The following CLSTN2 variants were observed in gnomAD, a reference collection of about 807,000 sequenced individuals.
CLSTN2 encodes calsyntenin 2, also known as calsyntenin-2.
In CLSTN2, 48 loss-of-function variants were observed where a neutral mutation model predicts 101.2. That is an observed-to-expected ratio of 0.47 (90% CI 0.38 to 0.60). The LOEUF is 0.60. CLSTN2 is among the 20% of genes least tolerant of loss of function. The pLI is 0.00. For synonymous variants in CLSTN2, 481 were observed against 463.6 expected, an observed-to-expected ratio of 1.04 and a Z score of -0.48; for missense variants, 1,160 against 1,238.2, an observed-to-expected ratio of 0.94 and a Z score of 0.95.
At chr3:139,943,886 C>A (rs1162707225) in intron 1 of CLSTN2, among the ~76,000 whole-genome samples, 1 of 152,194 alleles carries the variant, frequency 6.6e-6, no homozygotes, top group Non-Finnish European at 1.5e-5. Flanking sequence ...ACAACCCAAA[C>A]CTCCTTCTTA....
At chr3:140,266,131 C>T (rs4362682) in intron 2 of CLSTN2, among the ~76,000 whole-genome samples, 123,498 of 152,062 alleles carry the variant, frequency 0.81, 53,721 homozygotes, top group East Asian at 0.96. Flanking sequence ...TATCCTGTGT[C>T]TGATCTCTCT....
At chr3:140,560,712 G>A (rs1181821697) in intron 12 of CLSTN2, among the ~76,000 whole-genome samples, 2 of 152,136 alleles carry the variant, frequency 1.3e-5, no homozygotes, top group African/African-American at 4.8e-5. Context: ...AGAGAACCAT[G>A]AGAAAATGGC....
At chr3:139,986,611 G>A (rs772688961) in intron 1 of CLSTN2, among the ~76,000 whole-genome samples, 16 of 152,198 alleles carry the variant, frequency 1.1e-4, no homozygotes, top group East Asian at 1.9e-4. Context: ...ATTATTCAGC[G>A]CCTAGATTAA....
intron 2 of CLSTN2, among the ~76,000 whole-genome samples, chr3:140,286,589 C>G (rs912112234): frequency 6.6e-6 from 1 of 152,194 alleles, no homozygotes; most frequent in African/African-American, 2.4e-5. Context: ...GTATACCACT[C>G]TGCCTCCCTC....
chr3:140,369,288 A>G (rs1474316462), intron 2 of CLSTN2, among the ~76,000 whole-genome samples: 1 of 152,158 alleles, frequency 6.6e-6, no homozygotes, highest in Non-Finnish European at 1.5e-5. Context: ...TCTTGTGTAA[A>G]ATTCATCAGC....
chr3:140,254,214 A>G (rs1166964148), intron 2 of CLSTN2, among the ~76,000 whole-genome samples: 1 of 152,196 alleles, frequency 6.6e-6, no homozygotes, highest in Non-Finnish European at 1.5e-5. Context: ...GAAATAGTCA[A>G]ATTACTAATT....
chr3:140,278,282 T>C (rs536958105), intron 2 of CLSTN2, among the ~76,000 whole-genome samples: 2 of 152,238 alleles, frequency 1.3e-5, no homozygotes, highest in Admixed American at 6.5e-5. Context: ...GTATGCATGG[T>C]CCTCACACAG....
intron 9 of CLSTN2, among the ~76,000 whole-genome samples, chr3:140,546,044 C>T (rs1935577173): frequency 6.6e-6 from 1 of 152,180 alleles, no homozygotes; most frequent in Admixed American, 6.5e-5. Context: ...AGAGCTCCAG[C>T]TGCAGTGTTT....
chr3:140,517,197 G>A (rs1436418332), intron 8 of CLSTN2, among the ~76,000 whole-genome samples: 1 of 151,992 alleles, frequency 6.6e-6, no homozygotes, highest in East Asian at 1.9e-4. Context: ...TTTCACTTAT[G>A]CTATCTATTT....
At chr3:140,149,789 A>C (rs1375698236) in intron 1 of CLSTN2, among the ~76,000 whole-genome samples, 2 of 152,228 alleles carry the variant, frequency 1.3e-5, no homozygotes, top group African/African-American at 4.8e-5. Context: ...AACCATGTCC[A>C]GACTATTGTA....
At chr3:140,242,556 A>G (rs1307036855) in intron 2 of CLSTN2, among the ~76,000 whole-genome samples, 1 of 152,120 alleles carries the variant, frequency 6.6e-6, no homozygotes, top group African/African-American at 2.4e-5. Context: ...AATAAGACAG[A>G]GTCATGGCCT....
chr3:140,227,046 T>C (rs2086328045), intron 2 of CLSTN2, among the ~76,000 whole-genome samples: 1 of 152,166 alleles, frequency 6.6e-6, no homozygotes, highest in African/African-American at 2.4e-5. Flanking sequence ...CCAAATCTCA[T>C]GTCCTCACAT....
intron 2 of CLSTN2, among the ~76,000 whole-genome samples, chr3:140,373,806 A>G (rs1315290775): frequency 6.6e-6 from 1 of 152,194 alleles, no homozygotes; most frequent in African/African-American, 2.4e-5. Context: ...AATCATCAGG[A>G]GGGGACAGGG....
At chr3:140,293,311 TTAG>T (rs2086971548) in intron 2 of CLSTN2, among the ~76,000 whole-genome samples, 1 of 152,102 alleles carries the variant, frequency 6.6e-6, no homozygotes, top group Non-Finnish European at 1.5e-5. Flanking sequence ...GGCACTTTCC[TTAG>T]TAGGCCTAGC....
At chr3:140,548,892 A>T (rs1935656383) in intron 10 of CLSTN2, among the ~76,000 whole-genome samples, 1 of 151,848 alleles carries the variant, frequency 6.6e-6, no homozygotes, top group African/African-American at 2.4e-5. Flanking sequence ...ACTGGGTAGC[A>T]TGGGGAAGAT....
chr3:140,162,009 C>G (rs1490626165), intron 1 of CLSTN2, among the ~76,000 whole-genome samples: 2 of 152,068 alleles, frequency 1.3e-5, no homozygotes, highest in Non-Finnish European at 2.9e-5. Flanking sequence ...CAACTGTTGA[C>G]AAGAATTTTA....
At chr3:140,149,812 T>G (rs1168474782) in intron 1 of CLSTN2, among the ~76,000 whole-genome samples, 1 of 152,248 alleles carries the variant, frequency 6.6e-6, no homozygotes, top group African/African-American at 2.4e-5. Flanking sequence ...AACATACTTA[T>G]GCTAAAAATA....
chr3:140,343,250 A>G (rs2087509222), intron 2 of CLSTN2, among the ~76,000 whole-genome samples: 1 of 152,128 alleles, frequency 6.6e-6, no homozygotes, highest in Admixed American at 6.5e-5. Flanking sequence ...ACTACCCCCT[A>G]GCTCTGCTAG....
intron 2 of CLSTN2, among the ~76,000 whole-genome samples, chr3:140,267,117 T>C (rs72990154): frequency 0.031 from 4,727 of 152,276 alleles, 155 homozygotes; most frequent in African/African-American, 0.074. Context: ...GAATGGACCA[T>C]GTTCCTCCCA....
Sources: allele counts gnomAD v4.1 joint callset (sites outside exome capture counted in the v4.1 genomes callset), GRCh38; gene constraint gnomAD v4.1.1; transcripts MANE v1.5; gene names NCBI Gene and HGNC (gene_info 2026-07-23, HGNC 2026-07-21).